HMGA2: variants seen among roughly 807,000 people sequenced by gnomAD.
HMGA2 encodes the protein high mobility group AT-hook 2, also known as high mobility group protein HMGI-C.
HMGA2 carries 8 observed loss-of-function variants against 19.1 expected under a neutral mutation model. The ratio of observed to expected loss-of-function variants is 0.42; its 90% CI spans 0.25 to 0.76. The LOEUF (loss-of-function observed/expected upper bound fraction) is 0.76, where lower values mean the gene tolerates loss of function less well. HMGA2 is among the 30% of genes least tolerant of loss of function. The pLI, the probability that HMGA2 is intolerant of heterozygous loss-of-function variation, is 0.28. For missense variants in HMGA2, 109 were observed against 136.3 expected (o/e 0.80, Z 1.00); for synonymous variants, 60 against 48.8 (o/e 1.23, Z -0.96).
chr12:65,926,112 GCCAACC>G (rs1375525919), intron 3 of HMGA2, among the ~76,000 whole-genome samples: 1 of 152,184 alleles, frequency 6.6e-6, no homozygotes, highest in East Asian at 1.9e-4. Flanking sequence ...CCTCAGGAAT[GCCAACC>G]CCAGACAATC....
chr12:65,832,767 G>A (rs1392005877), intron 2 of HMGA2, among the ~76,000 whole-genome samples: 1 of 151,968 alleles, frequency 6.6e-6, no homozygotes, highest in Non-Finnish European at 1.5e-5. Flanking sequence ...ATTTTGAATG[G>A]CATATTCTAT....
intron 3 of HMGA2, among the ~76,000 whole-genome samples, chr12:65,886,327 G>C (rs983347621): frequency 1.3e-5 from 2 of 150,984 alleles, no homozygotes; most frequent in African/African-American, 2.4e-5. Context: ...CTTAGTCCCT[G>C]TTTCCTCCTC....
chr12:65,863,990 A>C (rs1349376293), intron 3 of HMGA2, among the ~76,000 whole-genome samples: 2 of 152,184 alleles, frequency 1.3e-5, no homozygotes, highest in Non-Finnish European at 2.9e-5. Flanking sequence ...AAGAAATATC[A>C]TTTCCCGCAC....
chr12:65,871,994 A>C (rs192703952), intron 3 of HMGA2, among the ~76,000 whole-genome samples: 39 of 152,314 alleles, frequency 2.6e-4, no homozygotes, highest in African/African-American at 8.7e-4. Context: ...GCATAGCAAA[A>C]GGTGTGACAG....
chr12:65,846,072 A>G (rs1380522193), intron 3 of HMGA2, among the ~76,000 whole-genome samples: 1 of 152,264 alleles, frequency 6.6e-6, no homozygotes, highest in African/African-American at 2.4e-5. Context: ...AACAGCCAAC[A>G]TAAGGTTTTC....
chr12:65,881,204 G>T (rs1161457649), intron 3 of HMGA2: 1 of 155,962 alleles, frequency 6.4e-6, no homozygotes, highest in Non-Finnish European at 1.4e-5. Flanking sequence ...GAGAAGGAGA[G>T]AGGGAGAAGA....
intron 3 of HMGA2, among the ~76,000 whole-genome samples, chr12:65,850,321 G>A (rs191372660): frequency 1.3e-5 from 2 of 152,242 alleles, no homozygotes; most frequent in East Asian, 1.9e-4. Flanking sequence ...TATTTGCACT[G>A]TTGGAAGTTC....
chr12:65,891,277 G>A (rs1037692159), intron 3 of HMGA2, among the ~76,000 whole-genome samples: 2 of 152,208 alleles, frequency 1.3e-5, no homozygotes, highest in Non-Finnish European at 2.9e-5. Flanking sequence ...GCCAGACAGT[G>A]CTAGGCTTAC....
chr12:65,830,352 G>A (rs937513752), intron 2 of HMGA2, among the ~76,000 whole-genome samples: 2 of 151,796 alleles, frequency 1.3e-5, no homozygotes, highest in African/African-American at 4.8e-5. Flanking sequence ...ATATATGTTC[G>A]TCAGGATTTT....
intron 3 of HMGA2, among the ~76,000 whole-genome samples, chr12:65,910,683 C>CTT: frequency 6.6e-6 from 1 of 152,242 alleles, no homozygotes; most frequent in East Asian, 1.9e-4. Flanking sequence ...TCCTCAGACA[C>CTT]TTTTTACAGT....
chr12:65,907,171 C>A (rs573329436), intron 3 of HMGA2, among the ~76,000 whole-genome samples: 1 of 151,826 alleles, frequency 6.6e-6, no homozygotes, highest in African/African-American at 2.4e-5. Context: ...CCGAGGCAGG[C>A]GGATCACGAG....
intron 3 of HMGA2, among the ~76,000 whole-genome samples, chr12:65,850,813 A>T (rs1489081081): frequency 1.3e-5 from 2 of 152,194 alleles, no homozygotes; most frequent in African/African-American, 2.4e-5. Context: ...GTAGAAAAAC[A>T]TCCTTATGTG....
intron 4 of HMGA2, among the ~76,000 whole-genome samples, chr12:65,962,213 C>T (rs1444017744): frequency 6.6e-6 from 1 of 152,324 alleles, no homozygotes; most frequent in South Asian, 2.1e-4. Flanking sequence ...TCACTAACGA[C>T]GCTTTTATCG....
intron 3 of HMGA2, among the ~76,000 whole-genome samples, chr12:65,903,498 C>T (rs757952568): frequency 6.6e-6 from 1 of 152,146 alleles, no homozygotes; most frequent in Non-Finnish European, 1.5e-5. Flanking sequence ...GCCAAAAAGA[C>T]TGTAGTCACA....
At chr12:65,880,559 T>C (rs914963976) in intron 3 of HMGA2, among the ~76,000 whole-genome samples, 5 of 152,230 alleles carry the variant, frequency 3.3e-5, no homozygotes, top group African/African-American at 1.2e-4. Flanking sequence ...TTAGGGAAGA[T>C]AAATGACTTG....
At chr12:65,914,930 C>A in intron 3 of HMGA2, 7 of 1,309,208 alleles carry the variant, frequency 5.3e-6, no homozygotes, top group Non-Finnish European at 7.6e-6. Context: ...CCACCTTGGC[C>A]TCTCAAAGTG....
At chr12:65,882,501 C>T (rs948421652) in intron 3 of HMGA2, among the ~76,000 whole-genome samples, 9 of 152,188 alleles carry the variant, frequency 5.9e-5, no homozygotes, top group Admixed American at 3.9e-4. Context: ...GCCTAGAAGA[C>T]ATGTGACGTA....
chr12:65,885,508 C>T (rs905344412), intron 3 of HMGA2, among the ~76,000 whole-genome samples: 23 of 152,114 alleles, frequency 1.5e-4, no homozygotes, highest in Admixed American at 1.1e-3. Flanking sequence ...TTGGCAAACC[C>T]GGTGATTTGC....
intron 4 of HMGA2, chr12:65,952,246 G>A (rs576001892): frequency 1.4e-6 from 1 of 739,496 alleles, no homozygotes; most frequent in South Asian, 1.7e-5. Context: ...GTAGTAAGCA[G>A]TGTCATGAGC....
Sources: allele counts gnomAD v4.1 joint callset (sites outside exome capture counted in the v4.1 genomes callset), GRCh38; gene constraint gnomAD v4.1.1; transcripts MANE v1.5; gene names NCBI Gene and HGNC (gene_info 2026-07-23, HGNC 2026-07-21).